The following SRGAP1 variants were observed in gnomAD, a reference collection of about 807,000 sequenced individuals.
SRGAP1 encodes the protein SLIT-ROBO Rho GTPase-activating protein 1.
SRGAP1 carries 43 observed loss-of-function variants against 121.9 expected under a neutral mutation model. The observed-to-expected ratio is 0.35, with a 90% CI of 0.28 to 0.46. The LOEUF is 0.46. Among genes scored for constraint, SRGAP1 ranks in the 20% least tolerant of loss-of-function variants. The pLI is 1.00. For synonymous variants in SRGAP1, 447 were observed against 485.4 expected (o/e 0.92, Z 1.04); for missense variants, 1,102 against 1,350.9 (o/e 0.82, Z 2.89).
chr12:63,944,103 G>A (rs1239942379), intron 1 of SRGAP1, among the ~76,000 whole-genome samples: 1 of 152,104 alleles, frequency 6.6e-6, no homozygotes, highest in Non-Finnish European at 1.5e-5. Context: ...CATGTATTGG[G>A]GGCACATTGC....
At chr12:63,925,778 A>G (rs2031238526) in intron 1 of SRGAP1, among the ~76,000 whole-genome samples, 1 of 152,188 alleles carries the variant, frequency 6.6e-6, no homozygotes, top group Non-Finnish European at 1.5e-5. Context: ...CCGTCCACAG[A>G]TAGAGATGGC....
At chr12:64,072,330 A>C (rs896120070) in intron 8 of SRGAP1, among the ~76,000 whole-genome samples, 1 of 152,094 alleles carries the variant, frequency 6.6e-6, no homozygotes, top group Non-Finnish European at 1.5e-5. Context: ...ATAGGACTGC[A>C]TCAGGTGCAA....
chr12:63,892,836 ATAAG>A (rs1900630865), intron 1 of SRGAP1, among the ~76,000 whole-genome samples: 1 of 152,210 alleles, frequency 6.6e-6, no homozygotes, highest in Non-Finnish European at 1.5e-5. Flanking sequence ...ATGGTTGAAA[ATAAG>A]TAGGTAGGTA....
chr12:64,030,299 GATC>G (rs1165104489), intron 4 of SRGAP1, among the ~76,000 whole-genome samples: 1 of 152,190 alleles, frequency 6.6e-6, no homozygotes, highest in Non-Finnish European at 1.5e-5. Flanking sequence ...TATGAATGTT[GATC>G]AAGAGTTCCT....
At chr12:63,933,780 C>T (rs528632213) in intron 1 of SRGAP1, among the ~76,000 whole-genome samples, 95 of 152,142 alleles carry the variant, frequency 6.2e-4, no homozygotes, top group South Asian at 1.2e-3. Flanking sequence ...TGAGGAAACC[C>T]GTGGAGCTCA....
intron 1 of SRGAP1, among the ~76,000 whole-genome samples, chr12:63,859,628 A>G (rs1023713815): frequency 1.3e-5 from 2 of 152,166 alleles, no homozygotes; most frequent in Non-Finnish European, 2.9e-5. Flanking sequence ...TAATATAAGC[A>G]CTTAAGATAA....
At chr12:63,994,071 A>G (rs2033628298) in intron 3 of SRGAP1, among the ~76,000 whole-genome samples, 1 of 152,170 alleles carries the variant, frequency 6.6e-6, no homozygotes, top group African/African-American at 2.4e-5. Context: ...ATTTGTAAAT[A>G]CGCCTCAGTT....
chr12:63,933,266 C>G (rs1274399552), intron 1 of SRGAP1, among the ~76,000 whole-genome samples: 1 of 152,064 alleles, frequency 6.6e-6, no homozygotes, highest in Non-Finnish European at 1.5e-5. Flanking sequence ...TATGTCCTTG[C>G]AGGCAGAGTG....
At chr12:64,091,866 A>T in intron 12 of SRGAP1, 1 of 1,532,838 alleles carries the variant, frequency 6.5e-7, no homozygotes, top group Non-Finnish European at 8.7e-7. Context: ...CTTCTTTTTC[A>T]TCCTGTATTT....
chr12:64,067,554 T>C (rs1191448719), intron 8 of SRGAP1, among the ~76,000 whole-genome samples: 1 of 152,230 alleles, frequency 6.6e-6, no homozygotes, highest in African/African-American at 2.4e-5. Context: ...TACTGGTTTA[T>C]GATTTGTTGA....
intron 15 of SRGAP1, among the ~76,000 whole-genome samples, chr12:64,100,927 G>T (rs535961419): frequency 1.3e-5 from 2 of 152,044 alleles, no homozygotes; most frequent in East Asian, 3.9e-4. Context: ...GACTTTTGAC[G>T]ATTTGAACCA....
chr12:63,923,078 C>A (rs2031127196), intron 1 of SRGAP1, among the ~76,000 whole-genome samples: 1 of 152,190 alleles, frequency 6.6e-6, no homozygotes, highest in Admixed American at 6.5e-5. Flanking sequence ...TCCTACTCAC[C>A]TACTTAACTC....
At chr12:63,953,427 G>A (rs1346317919) in intron 1 of SRGAP1, among the ~76,000 whole-genome samples, 1 of 144,492 alleles carries the variant, frequency 6.9e-6, no homozygotes, top group Non-Finnish European at 1.5e-5. Context: ...TTTGGTGGTA[G>A]GATCTCACTC....
chr12:64,100,771 AT>A (rs1420553288), intron 15 of SRGAP1, among the ~76,000 whole-genome samples: 1 of 152,138 alleles, frequency 6.6e-6, no homozygotes, highest in East Asian at 1.9e-4. Context: ...CTTGGATGTT[AT>A]TATCTCTAAG....
intron 12 of SRGAP1, among the ~76,000 whole-genome samples, chr12:64,092,236 C>G (rs2036065711): frequency 6.6e-6 from 1 of 152,078 alleles, no homozygotes; most frequent in Non-Finnish European, 1.5e-5. Flanking sequence ...ATTATGGACC[C>G]TAGTGTGAAT....
intron 1 of SRGAP1, among the ~76,000 whole-genome samples, chr12:63,964,017 G>A (rs1034648791): frequency 1.3e-5 from 2 of 152,176 alleles, no homozygotes; most frequent in African/African-American, 2.4e-5. Flanking sequence ...AGAACAGAAT[G>A]TATTTTGGTT....
intron 21 of SRGAP1, among the ~76,000 whole-genome samples, chr12:64,139,099 G>T (rs1349842921): frequency 6.6e-6 from 1 of 152,152 alleles, no homozygotes; most frequent in Non-Finnish European, 1.5e-5. Context: ...AGTTGAACAA[G>T]GTGCAGGAAA....
chr12:63,995,677 A>G (rs191351878), intron 3 of SRGAP1, among the ~76,000 whole-genome samples: 4 of 152,302 alleles, frequency 2.6e-5, no homozygotes, highest in Admixed American at 6.5e-5. Flanking sequence ...AACTGGCCCA[A>G]AGCCAGTGAG....
chr12:64,034,143 G>A (rs1260340713), intron 4 of SRGAP1, among the ~76,000 whole-genome samples: 1 of 152,192 alleles, frequency 6.6e-6, no homozygotes, highest in Non-Finnish European at 1.5e-5. Flanking sequence ...TGTTGGAGGT[G>A]GGACCTGGTG....
Sources: gnomAD v4.1 joint callset for allele counts (sites outside exome capture counted in the v4.1 genomes callset) on GRCh38, gnomAD v4.1.1 for gene constraint, MANE v1.5 for transcripts, NCBI Gene and HGNC (gene_info 2026-07-23, HGNC 2026-07-21) for gene names.